Variants in CREB5 observed in about 807,000 individuals in gnomAD.
The protein encoded by CREB5 is cyclic AMP-responsive element-binding protein 5.
CREB5 carries 19 observed loss-of-function variants against 57.1 expected under a neutral mutation model. That is an observed-to-expected ratio of 0.33 (90% CI 0.23 to 0.49). The LOEUF (loss-of-function observed/expected upper bound fraction) is 0.49, where lower values mean the gene tolerates loss of function less well. Among genes scored for constraint, CREB5 ranks in the 20% least tolerant of loss-of-function variants. The pLI, the probability that CREB5 is intolerant of heterozygous loss-of-function variation, is 0.99. For missense variants in CREB5, 579 were observed against 671.6 expected (o/e 0.86, Z 1.52); for synonymous variants, 238 against 238.3 (o/e 1.00, Z 0.01).
intron 7 of CREB5, among the ~76,000 whole-genome samples, chr7:28,790,807 A>C (rs143352579): frequency 1.3e-5 from 2 of 152,344 alleles, no homozygotes; most frequent in Non-Finnish European, 2.9e-5. Context: ...CTTAAGCATG[A>C]TGCTGTTCGT....
At chr7:28,595,056 C>T (rs1796648911) in intron 5 of CREB5, among the ~76,000 whole-genome samples, 1 of 152,182 alleles carries the variant, frequency 6.6e-6, no homozygotes, top group Non-Finnish European at 1.5e-5. Flanking sequence ...CCTGAGCCCC[C>T]ACAGTGCAAT....
At chr7:28,776,233 G>A (rs1455011102) in intron 7 of CREB5, among the ~76,000 whole-genome samples, 4 of 151,898 alleles carry the variant, frequency 2.6e-5, no homozygotes, top group African/African-American at 9.7e-5. Context: ...AGCTACTCGG[G>A]AGGCTGAGGC....
chr7:28,796,441 C>G (rs1363109806), intron 7 of CREB5, among the ~76,000 whole-genome samples: 1 of 152,128 alleles, frequency 6.6e-6, no homozygotes, highest in South Asian at 2.1e-4. Flanking sequence ...TTCACCCCTA[C>G]CCACCCACTC....
intron 4 of CREB5, among the ~76,000 whole-genome samples, chr7:28,529,473 G>A (rs1336276705): frequency 2.0e-5 from 3 of 152,172 alleles, no homozygotes; most frequent in African/African-American, 7.2e-5. Flanking sequence ...GACTCATCTT[G>A]TGCCTTCTCC....
intron 1 of CREB5, among the ~76,000 whole-genome samples, chr7:28,396,670 G>A (rs972137703): frequency 7.2e-5 from 11 of 152,088 alleles, no homozygotes; most frequent in African/African-American, 2.2e-4. Context: ...TCCTGTGTCT[G>A]TTTTACTTAG....
intron 5 of CREB5, among the ~76,000 whole-genome samples, chr7:28,594,750 A>G (rs1796638654): frequency 6.6e-6 from 1 of 152,174 alleles, no homozygotes; most frequent in Non-Finnish European, 1.5e-5. Flanking sequence ...TTCATATTAG[A>G]CTCTGTAGTA....
intron 7 of CREB5, among the ~76,000 whole-genome samples, chr7:28,790,056 T>G (rs1807571995): frequency 6.6e-6 from 1 of 152,244 alleles, no homozygotes; most frequent in Admixed American, 6.5e-5. Context: ...TTTCTCTTGT[T>G]GGAAACTGAT....
chr7:28,408,745 A>ACC (rs1787646082), upstream of CREB5, among the ~76,000 whole-genome samples: 1 of 152,088 alleles, frequency 6.6e-6, no homozygotes, highest in African/African-American at 2.4e-5. Flanking sequence ...TAAGGAAGTT[A>ACC]TTCTCCTGGA....
At chr7:28,817,154 T>C (rs78374974) in intron 9 of CREB5, among the ~76,000 whole-genome samples, 1,925 of 151,904 alleles carry the variant, frequency 0.013, 44 homozygotes, top group African/African-American at 0.044. Context: ...GGGGAAAGAG[T>C]ATTTTATAGA....
chr7:28,789,541 G>A (rs1008592803), intron 7 of CREB5, among the ~76,000 whole-genome samples: 16 of 152,176 alleles, frequency 1.1e-4, no homozygotes, highest in African/African-American at 3.9e-4. Flanking sequence ...AAATGTTCTC[G>A]GTTATAGCAT....
chr7:28,687,944 A>C (rs1363128735), intron 5 of CREB5, among the ~76,000 whole-genome samples: 1 of 152,188 alleles, frequency 6.6e-6, no homozygotes, highest in African/African-American at 2.4e-5. Flanking sequence ...TCCTCCCCGC[A>C]TGGGGAACCA....
intron 7 of CREB5, among the ~76,000 whole-genome samples, chr7:28,741,990 C>T (rs922956695): frequency 6.7e-5 from 10 of 149,300 alleles, no homozygotes; most frequent in African/African-American, 1.7e-4. Flanking sequence ...TGCTTGAACC[C>T]GGGAGGCGGA....
Position 28,570,427 on chromosome 7 carries a change from C to T in CREB5, c.354C>T (p.Ser118=). 1 of 1,614,180 alleles carries T rather than the reference C, an allele frequency of 6.2e-7. No individual in the cohort carries two copies. The highest frequency in any genetic ancestry group is 8.5e-7 in the Non-Finnish European group (1 of 1,180,032). The change falls in exon 5 of 11, where the codon AGC becomes AGT. Residue 118 remains serine (S), a synonymous_variant. Transcript: ENST00000357727. ...CGGGGCCCGGAACTCACCAGCTTAG[C>T]AGCGCTCGGCTGCCCAACCATGACA... ...AMTGPGTHQL[S]SARLPNHDTN...
chr7:28,667,813 TC>T (rs779923900), intron 5 of CREB5, among the ~76,000 whole-genome samples: 107 of 152,318 alleles, frequency 7.0e-4, no homozygotes, highest in Non-Finnish European at 1.3e-3. Context: ...TCGAAATTAG[TC>T]CACATTTATA....
chr7:28,436,020 T>C (rs568079706), intron 1 of CREB5, among the ~76,000 whole-genome samples: 2 of 152,206 alleles, frequency 1.3e-5, no homozygotes, highest in African/African-American at 4.8e-5. Flanking sequence ...GGCATGATGG[T>C]TTATTTTCAA....
chr7:28,411,597 A>T (rs983435642), upstream of CREB5, among the ~76,000 whole-genome samples: 31 of 152,070 alleles, frequency 2.0e-4, no homozygotes, highest in Non-Finnish European at 3.7e-4. Context: ...GTGCAGCAGA[A>T]ATTAAATTTA....
intron 5 of CREB5, among the ~76,000 whole-genome samples, chr7:28,716,407 C>T (rs1802687944): frequency 6.6e-6 from 1 of 152,192 alleles, no homozygotes; most frequent in East Asian, 1.9e-4. Context: ...ACTGTCTATA[C>T]TTAAAACATT....
chr7:28,643,158 G>A (rs1258538007), intron 5 of CREB5, among the ~76,000 whole-genome samples: 2 of 152,080 alleles, frequency 1.3e-5, no homozygotes. Flanking sequence ...GTAGGTGTTA[G>A]GAATTTTTTT....
intron 7 of CREB5, among the ~76,000 whole-genome samples, chr7:28,734,259 TC>T (rs560251352): frequency 1.9e-3 from 287 of 148,910 alleles, no homozygotes; most frequent in African/African-American, 6.9e-3. Context: ...GTTAATGGAT[TC>T]CAGTATAGTT....
Sources: gnomAD v4.1 joint callset for allele counts (sites outside exome capture counted in the v4.1 genomes callset) on GRCh38, gnomAD v4.1.1 for gene constraint, MANE v1.5 for transcripts, NCBI Gene and HGNC (gene_info 2026-07-23, HGNC 2026-07-21) for gene names.